Variants in PPM1L observed in about 807,000 individuals in gnomAD.
PPM1L encodes protein phosphatase 1L.
In PPM1L, 13 loss-of-function variants were observed where a neutral mutation model predicts 31.4. The observed-to-expected ratio is 0.41, with a 90% confidence interval of 0.27 to 0.66. The LOEUF (loss-of-function observed/expected upper bound fraction) is 0.66. Among genes scored for constraint, PPM1L ranks in the 30% least tolerant of loss-of-function variants. The probability of loss-of-function intolerance (pLI) is 0.29; values close to 1 mark genes in which losing one functional copy is unlikely to be tolerated. For synonymous variants in PPM1L, 184 were observed against 175.4 expected (o/e 1.05, Z -0.39); for missense variants, 326 against 453.7 (o/e 0.72, Z 2.56).
chr3:160,935,590 G>A (rs900414606), intron 1 of PPM1L, among the ~76,000 whole-genome samples: 13 of 152,304 alleles, frequency 8.5e-5, no homozygotes, highest in African/African-American at 2.9e-4. Context: ...AATGGTGGAG[G>A]CTGCGGCTCC....
intron 2 of PPM1L, among the ~76,000 whole-genome samples, chr3:161,036,662 C>T (rs1454969683): frequency 2.6e-5 from 4 of 152,108 alleles, no homozygotes; most frequent in African/African-American, 9.7e-5. Flanking sequence ...GTGCATATTC[C>T]TTCATGTTTA....
chr3:161,006,662 G>A (rs1194847627), intron 2 of PPM1L, among the ~76,000 whole-genome samples: 1 of 145,996 alleles, frequency 6.8e-6, no homozygotes, highest in Admixed American at 6.9e-5. Context: ...AAACACTTCA[G>A]AAAACCCACC....
chr3:160,849,043 T>A (rs1361423027), intron 1 of PPM1L, among the ~76,000 whole-genome samples: 2 of 152,218 alleles, frequency 1.3e-5, no homozygotes, highest in Non-Finnish European at 2.9e-5. Flanking sequence ...GTGGAGAAAC[T>A]GACACTATCT....
chr3:160,825,641 G>A (rs1576656447), intron 1 of PPM1L, among the ~76,000 whole-genome samples: 1 of 152,246 alleles, frequency 6.6e-6, no homozygotes, highest in East Asian at 1.9e-4. Context: ...TTATTATTTT[G>A]CCTGGCGGTG....
intron 2 of PPM1L, among the ~76,000 whole-genome samples, chr3:161,025,599 C>CT (rs34237951): frequency 0.58 from 86,087 of 148,270 alleles, 26,461 homozygotes; most frequent in East Asian, 0.92. Flanking sequence ...AAAAAAGAGT[C>CT]TCATGCAGCA....
intron 1 of PPM1L, among the ~76,000 whole-genome samples, chr3:160,854,127 A>G (rs540108085): frequency 3.9e-5 from 6 of 152,178 alleles, no homozygotes; most frequent in Admixed American, 6.5e-5. Context: ...GACCTTAGAC[A>G]TGTCTTTTAC....
Position 161,076,772 on chromosome 3 carries a change from T to C in PPM1L, c.*7615T>C, listed in dbSNP as rs1275463711. 6.6e-6 allele frequency: 1 copy of C among 151,690 alleles called. No homozygotes were observed. The highest frequency in any genetic ancestry group is 6.6e-5 in the Admixed American group (1 of 15,236). 9.4% of individuals were successfully genotyped at this position (151,690 alleles called of 1,614,324 possible). A position where few individuals can be genotyped will look rare whatever the true frequency, so the allele number is the denominator to read the frequency against. On this transcript the variant is annotated 3_prime_UTR_variant, in exon 4 of 4. Coordinates refer to ENST00000498165, the MANE Select transcript of PPM1L (RefSeq NM_139245.4). Reference sequence around the variant, plus strand: ...TGATTATTCTGACAAACCTGGAAAATAGTAATTAAACAGTTCATTCCAAAA... The same window carrying C: ...TGATTATTCTGACAAACCTGGAAAACAGTAATTAAACAGTTCATTCCAAAA...
At chr3:160,861,462 G>C (rs763360067) in intron 1 of PPM1L, among the ~76,000 whole-genome samples, 3 of 152,096 alleles carry the variant, frequency 2.0e-5, no homozygotes, top group Non-Finnish European at 4.4e-5. Flanking sequence ...GCTCTTAAAG[G>C]CATTATAGTG....
chr3:160,920,586 T>TTCTC (rs3063236), intron 1 of PPM1L, among the ~76,000 whole-genome samples: 1,422 of 120,046 alleles, frequency 0.012, 19 homozygotes, highest in African/African-American at 0.043. Flanking sequence ...TGCATTTAGT[T>TTCTC]TCTCTCTCTC....
intron 1 of PPM1L, among the ~76,000 whole-genome samples, chr3:160,950,583 AC>A (rs1715549909): frequency 6.6e-6 from 1 of 152,170 alleles, no homozygotes; most frequent in Non-Finnish European, 1.5e-5. Context: ...CCCTGGCCAC[AC>A]CTGCCTCCTG....
intron 1 of PPM1L, among the ~76,000 whole-genome samples, chr3:160,928,503 G>A (rs1294101056): frequency 2.0e-5 from 3 of 152,160 alleles, no homozygotes; most frequent in African/African-American, 7.2e-5. Context: ...TGGAGCTACT[G>A]GTAGCCAATT....
intron 1 of PPM1L, among the ~76,000 whole-genome samples, chr3:160,829,965 G>A (rs1456313445): frequency 6.6e-6 from 1 of 152,170 alleles, no homozygotes; most frequent in Non-Finnish European, 1.5e-5. Context: ...CCTGGCAGCT[G>A]CGTCTCAGCC....
chr3:160,854,879 CAA>C (rs33923660), intron 1 of PPM1L, among the ~76,000 whole-genome samples: 41,968 of 95,238 alleles, frequency 0.44, 7,016 homozygotes, highest in African/African-American at 0.56. Context: ...CATGTGGAAC[CAA>C]AAAAAAAAAA....
At chr3:160,825,589 A>G (rs1338056927) in intron 1 of PPM1L, among the ~76,000 whole-genome samples, 1 of 152,180 alleles carries the variant, frequency 6.6e-6, no homozygotes, top group Non-Finnish European at 1.5e-5. Flanking sequence ...TAACTTTTCC[A>G]AAGTCACTAA....
chr3:160,910,988 C>T (rs1252090331), intron 1 of PPM1L, among the ~76,000 whole-genome samples: 1 of 152,098 alleles, frequency 6.6e-6, no homozygotes, highest in African/African-American at 2.4e-5. Context: ...TACTTTTGTA[C>T]CTCATTTGGA....
chr3:160,985,501 T>C (rs576432040), intron 2 of PPM1L, among the ~76,000 whole-genome samples: 1 of 152,344 alleles, frequency 6.6e-6, no homozygotes, highest in Non-Finnish European at 1.5e-5. Flanking sequence ...CTAAAGCCAG[T>C]ACTTAAAACA....
At chr3:160,945,935 T>G (rs1360990474) in intron 1 of PPM1L, among the ~76,000 whole-genome samples, 3 of 152,300 alleles carry the variant, frequency 2.0e-5, no homozygotes, top group African/African-American at 7.2e-5. Context: ...AGATAATACA[T>G]ATACCATACA....
chr3:160,865,423 T>C (rs1453449173), intron 1 of PPM1L, among the ~76,000 whole-genome samples: 1 of 152,190 alleles, frequency 6.6e-6, no homozygotes, highest in African/African-American at 2.4e-5. Context: ...TTAAAAAATA[T>C]CTTTTGCTAT....
intron 1 of PPM1L, among the ~76,000 whole-genome samples, chr3:160,954,117 T>C (rs1283848295): frequency 6.6e-6 from 1 of 152,200 alleles, no homozygotes; most frequent in African/African-American, 2.4e-5. Flanking sequence ...TTAACCTCTC[T>C]GAGTCTGTTT....
Sources: allele counts gnomAD v4.1 joint callset (sites outside exome capture counted in the v4.1 genomes callset), GRCh38; gene constraint gnomAD v4.1.1; transcripts MANE v1.5; gene names NCBI Gene and HGNC (gene_info 2026-07-23, HGNC 2026-07-21).